Variants in SEZ6L2 observed in about 807,000 individuals in gnomAD.
SEZ6L2 encodes the protein seizure 6-like protein 2.
Under a neutral mutation model 97.0 loss-of-function variants are expected in SEZ6L2, and 44 were observed. The observed-to-expected ratio is 0.45, with a 90% CI of 0.36 to 0.58. The LOEUF (loss-of-function observed/expected upper bound fraction) is 0.58. Among genes scored for constraint, SEZ6L2 ranks in the 20% least tolerant of loss-of-function variants. The probability of loss-of-function intolerance (pLI) is 0.00; values close to 1 mark genes in which losing one functional copy is unlikely to be tolerated. For missense variants in SEZ6L2, 1,086 were observed against 1,233.3 expected (o/e 0.88, Z 1.79); for synonymous variants, 543 against 546.1 (o/e 0.99, Z 0.08).
chr16:29,880,411 C>T (rs919632976), intron 8 of SEZ6L2, among the ~76,000 whole-genome samples: 9 of 151,966 alleles, frequency 5.9e-5, no homozygotes, highest in Admixed American at 2.0e-4. Flanking sequence ...CCGCAACCTC[C>T]GCCTCCTGGG....
chr16:29,877,046 G>C (rs908951281), intron 11 of SEZ6L2, 96 bp from the exon 12 acceptor site: 22 of 1,216,018 alleles, frequency 1.8e-5, no homozygotes, highest in East Asian at 7.7e-5. Context: ...CCCGGGATCT[G>C]TCTCTCTCTC....
At chr16:29,893,197 G>T (rs1457873041) in intron 5 of SEZ6L2, among the ~76,000 whole-genome samples, 5 of 151,704 alleles carry the variant, frequency 3.3e-5, no homozygotes, top group African/African-American at 1.2e-4. Context: ...GGTGGGGCAT[G>T]CTTGTAATCC....
intron 5 of SEZ6L2, among the ~76,000 whole-genome samples, chr16:29,889,060 A>G (rs1050116187): frequency 2.1e-5 from 3 of 140,278 alleles, no homozygotes; most frequent in Non-Finnish European, 4.6e-5. Context: ...ACTACTCTGA[A>G]CTTCATCCAG....
chr16:29,873,480 G>A lies in SEZ6L2; in HGVS notation c.2297-49C>T, dbSNP rs1361994641. On this transcript the variant is annotated intron_variant, in intron 13 of 17. Coordinates refer to ENST00000617533, the MANE Select transcript of SEZ6L2 (RefSeq NM_001243332.2). The surrounding 1 kb of genome is among the most constrained non-coding windows in gnomAD (Gnocchi z 4.3). ...TGCCAGCTGCACTACTGTGCACGGG[G>A]CAGACGGGCTCTCCCAGGGCTACCC... is the stretch of plus-strand genomic sequence containing the variant. 1 of 1,613,800 alleles carries A rather than the reference G, an allele frequency of 6.2e-7. No homozygotes were observed. Among genetic ancestry groups the A allele is most frequent in the African/African-American group, 1.3e-5 (1 of 74,940 alleles).
rs140412141 is a variant in SEZ6L2 at position 29,896,874 on chromosome 16, C to T, written c.459G>A (p.Thr153=). 757 of 1,614,042 alleles carry T rather than the reference C, an allele frequency of 4.7e-4. 2 individuals are homozygous for T. The highest frequency in any genetic ancestry group is 5.8e-4 in the Non-Finnish European group (685 of 1,179,960). The stretch of plus-strand genomic sequence containing the variant: ...TTGTCGTGGTGATGATGGTGGTCGT[C>T]GTCTCCTCCTCTCCTCCCTCAGGCC... ...PLGPEGGEEE[T]TTTIITTTTV... The change falls in exon 3 of 18, where the codon ACG becomes ACA. Residue 153 remains threonine, a synonymous_variant. Coordinates refer to ENST00000617533, the MANE Select transcript of SEZ6L2 (RefSeq NM_001243332.2).
In SEZ6L2 at chr16:29,885,674, C is replaced by G. The variant is rs758257356; in HGVS notation, c.1284G>C (p.Arg428=). The part of the protein sequence containing the change: ...YDSDMDDVPE[R]GLISDAQSLY... ...GGGACTGGGCGTCACTGATGAGACC[C>G]CGCTCGGGGACATCGTCCATGTCCG... The change falls in exon 8 of 18, where the codon CGG becomes CGC. Residue 428 remains arginine (R), a synonymous_variant. Coordinates refer to ENST00000617533, the MANE Select transcript of SEZ6L2 (RefSeq NM_001243332.2). The G allele has an allele frequency of 2.5e-6, 4 of 1,613,862 alleles. No individual in the cohort carries two copies. Among genetic ancestry groups the G allele is most frequent in the Non-Finnish European group, 2.5e-6 (3 of 1,179,992 alleles).
chr16:29,890,893 C>T (rs1596986134), intron 5 of SEZ6L2, among the ~76,000 whole-genome samples: 1 of 151,322 alleles, frequency 6.6e-6, no homozygotes, highest in East Asian at 1.9e-4. Flanking sequence ...GGATTATAGG[C>T]GTGTGCCACG....
chr16:29,886,825 G>A (rs1366080668), intron 7 of SEZ6L2, among the ~76,000 whole-genome samples: 1 of 152,112 alleles, frequency 6.6e-6, no homozygotes, highest in Non-Finnish European at 1.5e-5. Flanking sequence ...TACAGATGAG[G>A]AAACTGAGGC....
chr16:29,889,977 C>T lies in SEZ6L2; in HGVS notation c.854-1252G>A, dbSNP rs59370241. ...AGGCTGGAGTGCATTGGCGCAATCTCGGCTCACTGCAACCTCCGTCTCCCG... is the reference window on the plus strand; with the variant it reads ...AGGCTGGAGTGCATTGGCGCAATCTTGGCTCACTGCAACCTCCGTCTCCCG... On this transcript the variant is annotated intron_variant, in intron 5 of 17. Transcript: ENST00000617533. Among the ~76,000 whole-genome samples, 418 of 151,958 alleles carry T rather than the reference C, an allele frequency of 2.8e-3. 1 individual carries two copies. Among genetic ancestry groups the T allele is most frequent in the African/African-American group, 9.7e-3 (401 of 41,452 alleles).
In SEZ6L2 at chr16:29,880,073, G is replaced by A; in HGVS notation, c.1373-9C>T. 6.2e-7 allele frequency: 1 copy of A among 1,613,528 alleles called. No individual in the cohort carries two copies. ...GCGATCCTCCTCAAAGGCTGGGAAG[G>A]AGTCAGTCATAACAATTAAGCATTA... On this transcript the variant is annotated splice_polypyrimidine_tract_variant and intron_variant, in intron 8 of 17. Transcript: ENST00000617533.
chr16:29,890,150 C>T (rs936793604), intron 5 of SEZ6L2, among the ~76,000 whole-genome samples: 7 of 152,160 alleles, frequency 4.6e-5, no homozygotes, highest in African/African-American at 1.7e-4. Flanking sequence ...CTCTTCAGAC[C>T]TCCTGACTTC....
At chr16:29,889,061 CT>C (rs1390908873) in intron 5 of SEZ6L2, among the ~76,000 whole-genome samples, 1 of 136,412 alleles carries the variant, frequency 7.3e-6, no homozygotes, top group Non-Finnish European at 1.6e-5. Context: ...CTACTCTGAA[CT>C]TCATCCAGCT....
rs2150823073 is a variant in SEZ6L2 at position 29,899,125 on chromosome 16, T to C, written c.-106A>G. 5.8e-6 allele frequency: 5 copies of C among 863,636 alleles called. No individual in the cohort carries two copies. The South Asian group carries it at 7.8e-5, about 14-fold the overall frequency. The allele number at this position is 863,636 out of a possible 1,614,324, so 53.5% of individuals were successfully genotyped here. A position where few individuals can be genotyped will look rare whatever the true frequency, so the allele number is the denominator to read the frequency against. On this transcript the variant is annotated 5_prime_UTR_variant, in exon 1 of 18. Coordinates refer to ENST00000617533, the MANE Select transcript of SEZ6L2 (RefSeq NM_001243332.2). ...CCCTTTAATTGTTTTTTTTTTTTTT[T>C]TTTTTTTCCTCGTAGGAGTCAGCAA... is the stretch of plus-strand genomic sequence containing the variant.
At chr16:29,880,610 C>T (rs58754447) in intron 8 of SEZ6L2, among the ~76,000 whole-genome samples, 2,558 of 147,422 alleles carry the variant, frequency 0.017, 58 homozygotes, top group African/African-American at 0.061. Flanking sequence ...CATGAGCCAC[C>T]GTGCCTGGCC....
intron 12 of SEZ6L2, among the ~76,000 whole-genome samples, chr16:29,875,663 TTC>T (rs769664574): frequency 2.7e-4 from 39 of 143,480 alleles, no homozygotes; most frequent in African/African-American, 8.6e-4. Context: ...CTTTCTTTCT[TTC>T]TTTTTTTTTT....
At chr16:29,887,926 C>A in intron 6 of SEZ6L2, 109 bp from the exon 7 acceptor site, 2 of 1,238,036 alleles carry the variant, frequency 1.6e-6, no homozygotes, top group Non-Finnish European at 2.2e-6. Flanking sequence ...TGGCTGGGAC[C>A]CGGCCCAGGG....
intron 1 of SEZ6L2, among the ~76,000 whole-genome samples, chr16:29,898,423 T>TTCTC (rs112555002): frequency 0.024 from 3,561 of 146,734 alleles, 105 homozygotes; most frequent in African/African-American, 0.075. Context: ...TGGCTGTCTT[T>TTCTC]TCTCTCTCTC....
chr16:29,899,270 G>C lies in SEZ6L2; in HGVS notation c.-251C>G, dbSNP rs2068481846. 1.5e-5 allele frequency: 7 copies of C among 469,510 alleles called. No homozygotes were observed. In the South Asian group the frequency reaches 1.7e-4, roughly 11 times the overall value. 29.1% of individuals were successfully genotyped at this position (469,510 alleles called of 1,614,324 possible). On this transcript the variant is annotated 5_prime_UTR_variant, in exon 1 of 18. Transcript: ENST00000617533. The stretch of plus-strand genomic sequence containing the variant: ...TCTTCTCGCGGCTCTGTGGTGGAGG[G>C]GGCGCGGCTCCGGCTGCAGGGGGTG...
chr16:29,896,759 C>A, intron 3 of SEZ6L2, 63 bp downstream of exon 3: 1 of 1,456,956 alleles, frequency 6.9e-7, no homozygotes, highest in South Asian at 1.2e-5. Context: ...AGCCTCTCTC[C>A]CATCCATCCC....
Sources: allele counts gnomAD v4.1 joint callset (sites outside exome capture counted in the v4.1 genomes callset), GRCh38; gene constraint gnomAD v4.1.1; non-coding constraint Gnocchi (gnomAD v3.1); transcripts MANE v1.5; gene names NCBI Gene and HGNC (gene_info 2026-07-23, HGNC 2026-07-21).